AK2: variants seen among roughly 807,000 people sequenced by gnomAD.
AK2 encodes the protein adenylate kinase 2, mitochondrial.
AK2 carries 15 observed loss-of-function variants against 24.6 expected under a neutral mutation model. The observed-to-expected ratio is 0.61, with a 90% CI of 0.41 to 0.94. The LOEUF (loss-of-function observed/expected upper bound fraction) is 0.94, where lower values mean the gene tolerates loss of function less well. Ranked by LOEUF, AK2 falls within the 40% of genes least tolerant of loss-of-function variation. The pLI is 0.00. For synonymous variants in AK2, 102 were observed against 114.0 expected, an observed-to-expected ratio of 0.90 and a Z score of 0.67; for missense variants, 257 against 304.1, an observed-to-expected ratio of 0.85 and a Z score of 1.15.
intron 1 of AK2, among the ~76,000 whole-genome samples, chr1:33,030,515 T>C (rs1640173028): frequency 6.6e-6 from 1 of 152,030 alleles, no homozygotes; most frequent in Non-Finnish European, 1.5e-5. Flanking sequence ...GACCGTGCCA[T>C]TGCACTCCAG....
At chr1:33,033,199 C>T (rs969223388) in intron 1 of AK2, among the ~76,000 whole-genome samples, 1 of 151,312 alleles carries the variant, frequency 6.6e-6, no homozygotes, top group Non-Finnish European at 1.5e-5. Flanking sequence ...CCAATTTCTT[C>T]GGCAAAACCC....
intron 4 of AK2, among the ~76,000 whole-genome samples, chr1:33,019,405 G>T (rs947473650): frequency 2.0e-5 from 3 of 152,162 alleles, no homozygotes; most frequent in Non-Finnish European, 4.4e-5. Flanking sequence ...GTGCCTAAGA[G>T]ACCCCAGGCC....
intron 5 of AK2, among the ~76,000 whole-genome samples, chr1:33,014,155 T>C (rs1165930611): frequency 6.6e-6 from 1 of 152,106 alleles, no homozygotes; most frequent in African/African-American, 2.4e-5. Context: ...CAAACTTCTC[T>C]TCAGTGCCAC....
chr1:33,035,016 T>C (rs918177621), intron 1 of AK2, among the ~76,000 whole-genome samples: 2 of 152,002 alleles, frequency 1.3e-5, no homozygotes, highest in Admixed American at 1.3e-4. Flanking sequence ...AGTGAGACCC[T>C]GTCTCAAAAA....
intron 4 of AK2, among the ~76,000 whole-genome samples, chr1:33,017,134 C>A (rs546346482): frequency 2.0e-5 from 3 of 152,258 alleles, no homozygotes; most frequent in South Asian, 2.1e-4. Flanking sequence ...AATTGATATA[C>A]TGAATTTTAA....
At chr1:33,007,975 T>C (rs775260344), downstream of AK2, 5 of 453,210 alleles carry the variant, frequency 1.1e-5, no homozygotes, top group African/African-American at 2.0e-5. Flanking sequence ...AGATAATGCA[T>C]GCAGAACCTC....
At chr1:33,036,529 C>G (rs1640589565) in intron 1 of AK2, among the ~76,000 whole-genome samples, 1 of 152,242 alleles carries the variant, frequency 6.6e-6, no homozygotes, top group Non-Finnish European at 1.5e-5. Context: ...CTGAATCCCT[C>G]GGGCACTCCA....
intron 5 of AK2, among the ~76,000 whole-genome samples, chr1:33,013,840 C>T (rs1639004191): frequency 6.6e-6 from 1 of 152,138 alleles, no homozygotes; most frequent in Non-Finnish European, 1.5e-5. Flanking sequence ...TAGAGTGTCA[C>T]CCATCAACAT....
At chr1:33,021,231 T>C (rs1263421043) in intron 4 of AK2, 136 bp downstream of exon 4, 1 of 803,552 alleles carries the variant, frequency 1.2e-6, no homozygotes, top group African/African-American at 1.7e-5. Flanking sequence ...TCTCACCACT[T>C]CAGCGGATGT....
At chr1:33,024,156 G>A in intron 2 of AK2, 1 of 375,330 alleles carries the variant, frequency 2.7e-6, no homozygotes, top group Non-Finnish European at 5.1e-6. Context: ...GGGCGACAGA[G>A]CGAGACTTTG....
Position 33,011,077 on chromosome 1 carries a change from C to G in AK2, c.*2104G>C, listed in dbSNP as rs774359743. 1 of 1,441,062 alleles carries G rather than the reference C, an allele frequency of 6.9e-7. No homozygotes were observed. Among genetic ancestry groups the G allele is most frequent in the Non-Finnish European group, 9.1e-7 (1 of 1,103,454 alleles). The allele number at this position is 1,441,062 out of a possible 1,614,324, so 89.3% of individuals were successfully genotyped here. A position where few individuals can be genotyped will look rare whatever the true frequency, so the allele number is the denominator to read the frequency against. ...TGAATCTTCCAGTTCTTATGGGCAG[C>G]CCAAATATTACTTGTACATGTTGTA... is the stretch of plus-strand genomic sequence containing the variant. On this transcript the variant is annotated 3_prime_UTR_variant, in exon 6 of 6. Coordinates refer to ENST00000672715, the MANE Select transcript of AK2 (RefSeq NM_001625.4).
At chr1:33,034,110 C>T (rs1368827834) in intron 1 of AK2, among the ~76,000 whole-genome samples, 1 of 151,964 alleles carries the variant, frequency 6.6e-6, no homozygotes, top group East Asian at 1.9e-4. Context: ...TTAAACTCCA[C>T]AAAAATACAT....
intron 4 of AK2, chr1:33,019,586 T>A: frequency 1.0e-6 from 1 of 978,806 alleles, no homozygotes; most frequent in Non-Finnish European, 1.2e-6. Context: ...TAAGGTAGAG[T>A]CCACTGTATT....
intron 4 of AK2, among the ~76,000 whole-genome samples, chr1:33,017,363 T>G (rs951875738): frequency 1.3e-5 from 2 of 152,184 alleles, no homozygotes; most frequent in African/African-American, 4.8e-5. Context: ...ATTCCTCTGA[T>G]GCATTCATTC....
At chr1:33,020,482 T>C (rs1639469220) in intron 4 of AK2, among the ~76,000 whole-genome samples, 1 of 152,198 alleles carries the variant, frequency 6.6e-6, no homozygotes. Flanking sequence ...GCAGGTGTTA[T>C]CAACCCCCTT....
chr1:33,017,571 C>T (rs1461848915), intron 4 of AK2, among the ~76,000 whole-genome samples: 2 of 152,172 alleles, frequency 1.3e-5, no homozygotes, highest in African/African-American at 4.8e-5. Context: ...TTCACAAATA[C>T]CACTTTTTAA....
At position 33,021,580 on chromosome 1, in the gene AK2, C is replaced by A; in HGVS notation, c.330+13G>T. On this transcript the variant is annotated intron_variant, in intron 3 of 5. Coordinates refer to ENST00000672715, the MANE Select transcript of AK2 (RefSeq NM_001625.4). ...GTTTCATGCAGTAGTAATATAAAAA[C>A]TAAGCTACCCACCATTTCTGCCTGC... 6.2e-7 allele frequency: 1 copy of A among 1,613,316 alleles called. No individual in the cohort carries two copies. The highest frequency in any genetic ancestry group is 1.1e-5 in the South Asian group (1 of 91,034).
At chr1:33,021,205 C>A (rs1407085712) in intron 4 of AK2, among the ~76,000 whole-genome samples, 162 bp downstream of exon 4, 1 of 152,074 alleles carries the variant, frequency 6.6e-6, no homozygotes, top group Non-Finnish European at 1.5e-5. Flanking sequence ...GCTCTTCTTT[C>A]CATATCCCGA....
Position 33,012,531 on chromosome 1 carries a change from T to C in AK2, c.*650A>G, listed in dbSNP as rs1258630907. 1.1e-5 allele frequency: 14 copies of C among 1,326,178 alleles called. No individual in the cohort carries two copies. Among genetic ancestry groups the C allele is most frequent in the South Asian group, 2.5e-5 (2 of 81,280 alleles). 82.2% of individuals were successfully genotyped at this position (1,326,178 alleles called of 1,614,324 possible). The stretch of plus-strand genomic sequence containing the variant: ...GAAGAAATACTATGAGGTTCTGGAA[T>C]TGCGGTCCCTGGAAGATTACCTGGG... On this transcript the variant is annotated 3_prime_UTR_variant, in exon 6 of 6. Transcript: ENST00000672715.
Sources: gnomAD v4.1 joint callset for allele counts (sites outside exome capture counted in the v4.1 genomes callset) on GRCh38, gnomAD v4.1.1 for gene constraint, MANE v1.5 for transcripts, NCBI Gene and HGNC (gene_info 2026-07-23, HGNC 2026-07-21) for gene names.